The following ACOT9 variants were observed in gnomAD, a reference collection of about 807,000 sequenced individuals.
The protein encoded by ACOT9 is acyl-coenzyme A thioesterase 9, mitochondrial.
A neutral mutation model predicts 39.7 loss-of-function variants in ACOT9; 34 were observed. That is an observed-to-expected ratio of 0.86 (90% CI 0.65 to 1.14). The LOEUF (loss-of-function observed/expected upper bound fraction) is 1.14. ACOT9 is among the 50% of genes most tolerant of loss of function. ACOT9 has a pLI of 0.00. For missense variants in ACOT9, 313 were observed against 344.1 expected (o/e 0.91, Z 0.71); for synonymous variants, 110 against 120.5 (o/e 0.91, Z 0.57).
At chrX:23,738,075 G>A (rs1180203121) in intron 1 of ACOT9, among the ~76,000 whole-genome samples, 1 of 106,040 alleles carries the variant, frequency 9.4e-6, no homozygotes. Flanking sequence ...CATCATGTTA[G>A]CCAGGATGGT....
chrX:23,704,574 A>G, intron 15 of ACOT9, 120 bp downstream of exon 15: 1 of 876,897 alleles, frequency 1.1e-6, no homozygotes. Context: ...CAAAAGCAAA[A>G]TCTCCTGAAG....
intron 11 of ACOT9, 75 bp downstream of exon 11, chrX:23,706,553 C>T (rs772801524): frequency 4.8e-5 from 26 of 536,220 alleles, no homozygotes; most frequent in South Asian, 8.4e-5. Context: ...AGCGAAACTC[C>T]GTCTCAAAAA....
At chrX:23,712,138 G>T in intron 9 of ACOT9, among the ~76,000 whole-genome samples, 1 of 111,297 alleles carries the variant, frequency 9.0e-6, no homozygotes, top group Non-Finnish European at 1.9e-5. Flanking sequence ...GGTGGCTCAC[G>T]CCTGTAATCT....
Position 23,723,735 on chromosome X carries a change from G to C in ACOT9, c.401-982C>G, listed in dbSNP as rs1342894045. On this transcript the variant is annotated intron_variant, in intron 6 of 15. Transcript: ENST00000379303. ...CTCAATAAATACTTGTTGAGTAAGTGTAAATCCTTCCATCTATGCACCTGC... is the reference window on the plus strand; with the variant it reads ...CTCAATAAATACTTGTTGAGTAAGTCTAAATCCTTCCATCTATGCACCTGC... Among the ~76,000 whole-genome samples, 16 of 110,780 alleles carry C rather than the reference G, an allele frequency of 1.4e-4. No homozygotes were observed. The Admixed American group carries it at 1.5e-3, about 10-fold the overall frequency.
chrX:23,708,725 G>A (rs1928793613), intron 9 of ACOT9, among the ~76,000 whole-genome samples: 1 of 111,213 alleles, frequency 9.0e-6, no homozygotes, highest in African/African-American at 3.3e-5. Flanking sequence ...GACAACTGGT[G>A]AAATCTGAAT....
intron 7 of ACOT9, 106 bp downstream of exon 7, chrX:23,722,564 C>CAA (rs55779124): frequency 0.21 from 89,549 of 432,840 alleles, 4,902 homozygotes; most frequent in African/African-American, 0.42. Flanking sequence ...AACTCCGTCT[C>CAA]AAAAAAAAAA....
At chrX:23,713,033 G>A (rs1569191457) in intron 9 of ACOT9, 102 bp downstream of exon 9, 4 of 637,137 alleles carry the variant, frequency 6.3e-6, no homozygotes, top group East Asian at 3.7e-5. Flanking sequence ...AAACTGTTAC[G>A]TCCAAGTGAT....
intron 9 of ACOT9, among the ~76,000 whole-genome samples, chrX:23,711,056 C>T (rs146360700): frequency 4.9e-4 from 54 of 110,986 alleles, no homozygotes; most frequent in African/African-American, 1.6e-3. Context: ...AAATGACTCA[C>T]GCCTGTTATC....
At chrX:23,713,232 G>A in intron 8 of ACOT9, 24 bp from the exon 9 acceptor site, 10 of 1,130,089 alleles carry the variant, frequency 8.8e-6, no homozygotes, top group Non-Finnish European at 1.2e-5. Flanking sequence ...GAAAGAAAAT[G>A]TACATATGAG....
chrX:23,730,531 C>A lies in ACOT9; in HGVS notation c.396G>T (p.Leu132Phe). 2 of 1,204,978 alleles carry A rather than the reference C, an allele frequency of 1.7e-6. No homozygotes were observed. The highest frequency in any genetic ancestry group is 2.2e-6 in the Non-Finnish European group (2 of 889,468). Residue 132 changes from leucine to phenylalanine, a missense_variant, in exon 6 of 16, where the codon TTG becomes TTT. Transcript: ENST00000379303. ...AGACTAAAATAATACCAGTACCTCCCAAGCTGTCAAGATCCTCAAGAATCC... is the reference window on the plus strand; with the variant it reads ...AGACTAAAATAATACCAGTACCTCCAAAGCTGTCAAGATCCTCAAGAATCC... ...FGRILEDLDSLGVLICYMHNK... is the reference protein window; with the variant it reads ...FGRILEDLDSFGVLICYMHNK...
chrX:23,724,240 C>T (rs1929424876), intron 6 of ACOT9, among the ~76,000 whole-genome samples: 1 of 111,380 alleles, frequency 9.0e-6, no homozygotes, highest in Non-Finnish European at 1.9e-5. Context: ...CCAGCCTGAA[C>T]AACAGAGTAA....
chrX:23,737,342 C>CA (rs1193320461), intron 1 of ACOT9, among the ~76,000 whole-genome samples: 2 of 110,066 alleles, frequency 1.8e-5, no homozygotes, highest in Admixed American at 9.8e-5. Flanking sequence ...AACAAACAAA[C>CA]AAAAAAAACC....
chrX:23,721,021 T>C (rs906093453), intron 8 of ACOT9, among the ~76,000 whole-genome samples: 59 of 111,670 alleles, frequency 5.3e-4, no homozygotes, highest in African/African-American at 1.8e-3. Context: ...GAGGACCACA[T>C]GAGGCCAGAA....
intron 1 of ACOT9, among the ~76,000 whole-genome samples, chrX:23,741,689 G>C (rs1203771994): frequency 8.9e-6 from 1 of 111,753 alleles, no homozygotes; most frequent in Non-Finnish European, 1.9e-5. Context: ...ATAGTTTTTT[G>C]TTTGAGACAG....
chrX:23,702,901 T>C lies in ACOT9; in HGVS notation c.*993A>G, dbSNP rs1928529097. 1.8e-5 allele frequency: 2 copies of C among 112,098 alleles called. No individual in the cohort carries two copies. Among genetic ancestry groups the C allele is most frequent in the African/African-American group, 6.5e-5 (2 of 30,860 alleles). 9.2% of individuals were successfully genotyped at this position (112,098 alleles called of 1,213,427 possible). A position where few individuals can be genotyped will look rare whatever the true frequency, so the allele number is the denominator to read the frequency against. On this transcript the variant is annotated 3_prime_UTR_variant, in exon 16 of 16. Coordinates refer to ENST00000379303, the MANE Select transcript of ACOT9 (RefSeq NM_001037171.2). Reference sequence around the variant, plus strand: ...GCAATGCTCCATAAGCATAAGCAGCTATTATTATTGTGGTTCCTATTTTTT... The same window carrying C: ...GCAATGCTCCATAAGCATAAGCAGCCATTATTATTGTGGTTCCTATTTTTT...
intron 1 of ACOT9, among the ~76,000 whole-genome samples, chrX:23,742,696 C>G (rs1920989850): frequency 9.0e-6 from 1 of 111,288 alleles, no homozygotes; most frequent in South Asian, 3.8e-4. Context: ...AAGTAAGAGC[C>G]GAAGTAGGTC....
intron 2 of ACOT9, 58 bp from the exon 3 acceptor site, chrX:23,734,425 T>A: frequency 1.0e-6 from 1 of 988,655 alleles, no homozygotes; most frequent in East Asian, 3.1e-5. Context: ...AACTAAAAGA[T>A]AAATCTGTAG....
At chrX:23,742,935 G>A (rs780854012) in intron 1 of ACOT9, among the ~76,000 whole-genome samples, 190 bp downstream of exon 1, 3 of 113,001 alleles carry the variant, frequency 2.7e-5, no homozygotes, top group African/African-American at 9.6e-5. Context: ...GTGGGGGCGA[G>A]GTTCTCCCAA....
intron 6 of ACOT9, among the ~76,000 whole-genome samples, chrX:23,727,045 C>T (rs1929555707): frequency 8.9e-6 from 1 of 112,339 alleles, no homozygotes; most frequent in South Asian, 3.7e-4. Context: ...GTCTCGAACT[C>T]CTGGCCTCAA....
Sources: allele counts gnomAD v4.1 joint callset (sites outside exome capture counted in the v4.1 genomes callset), GRCh38; gene constraint gnomAD v4.1.1; transcripts MANE v1.5; gene names NCBI Gene and HGNC (gene_info 2026-07-23, HGNC 2026-07-21).